The following ELL2 variants were observed in gnomAD, a reference collection of about 807,000 sequenced individuals.
ELL2 encodes the protein elongation factor for RNA polymerase II 2, also known as RNA polymerase II elongation factor ELL2.
ELL2 carries 21 observed loss-of-function variants against 72.8 expected under a neutral mutation model. The observed-to-expected ratio is 0.29, with a 90% CI of 0.20 to 0.42. The LOEUF (loss-of-function observed/expected upper bound fraction) is 0.42. ELL2 is among the 10% of genes least tolerant of loss of function. The pLI is 1.00. For missense variants in ELL2, 568 were observed against 772.8 expected (o/e 0.73, Z 3.14); for synonymous variants, 266 against 283.2 (o/e 0.94, Z 0.61).
chr5:95,904,703 T>C (rs977726313), intron 5 of ELL2, among the ~76,000 whole-genome samples: 2 of 152,232 alleles, frequency 1.3e-5, no homozygotes, highest in African/African-American at 4.8e-5. Flanking sequence ...TAACCAATTT[T>C]GGGATGATTT....
At chr5:95,937,161 C>A (rs907143908) in intron 2 of ELL2, among the ~76,000 whole-genome samples, 4 of 152,146 alleles carry the variant, frequency 2.6e-5, no homozygotes, top group South Asian at 2.1e-4. Flanking sequence ...AGGGTGAGCA[C>A]CCCTGTTTGT....
intron 4 of ELL2, among the ~76,000 whole-genome samples, chr5:95,910,035 G>A (rs1463447867): frequency 1.3e-5 from 2 of 152,104 alleles, no homozygotes; most frequent in East Asian, 1.9e-4. Context: ...TCCATTGCAA[G>A]GGAAATCTCC....
intron 4 of ELL2, among the ~76,000 whole-genome samples, chr5:95,911,400 C>A (rs1181926258): frequency 6.6e-6 from 1 of 151,458 alleles, no homozygotes; most frequent in South Asian, 2.1e-4. Context: ...TGCAGTGGCA[C>A]AATCTCGGCT....
intron 2 of ELL2, among the ~76,000 whole-genome samples, chr5:95,936,824 G>A (rs1750793550): frequency 1.3e-5 from 2 of 152,134 alleles, no homozygotes; most frequent in Non-Finnish European, 2.9e-5. Context: ...CTATTAAAGT[G>A]ATACTGCCTG....
intron 2 of ELL2, among the ~76,000 whole-genome samples, chr5:95,927,250 C>T (rs1236448834): frequency 6.6e-6 from 1 of 150,776 alleles, no homozygotes; most frequent in Admixed American, 6.6e-5. Flanking sequence ...CAGGTACAGG[C>T]AGCAGGATTC....
At chr5:95,933,894 G>C (rs995754634) in intron 2 of ELL2, among the ~76,000 whole-genome samples, 2 of 151,768 alleles carry the variant, frequency 1.3e-5, no homozygotes, top group Non-Finnish European at 2.9e-5. Flanking sequence ...TCTAAAGAAG[G>C]AACAAAACAC....
chr5:95,893,740 G>T (rs1310492760), intron 9 of ELL2, among the ~76,000 whole-genome samples: 1 of 152,136 alleles, frequency 6.6e-6, no homozygotes, highest in East Asian at 1.9e-4. Flanking sequence ...GGCAACTTAA[G>T]TTCTGTAGTT....
intron 2 of ELL2, among the ~76,000 whole-genome samples, chr5:95,921,692 G>T (rs572229424): frequency 5.9e-5 from 9 of 152,310 alleles, no homozygotes; most frequent in African/African-American, 1.9e-4. Flanking sequence ...CTGCATACTG[G>T]TATAACAGTA....
intron 9 of ELL2, among the ~76,000 whole-genome samples, chr5:95,892,437 G>A (rs1748702630): frequency 6.6e-6 from 1 of 152,204 alleles, no homozygotes; most frequent in Non-Finnish European, 1.5e-5. Context: ...GTGAGCCACT[G>A]CGCCTGGCCT....
At chr5:95,953,632 G>T (rs1332412188) in intron 1 of ELL2, among the ~76,000 whole-genome samples, 1 of 152,084 alleles carries the variant, frequency 6.6e-6, no homozygotes, top group Non-Finnish European at 1.5e-5. Context: ...GCTCATAATA[G>T]TCCATTACAA....
At chr5:95,954,765 C>A (rs960106132) in intron 1 of ELL2, among the ~76,000 whole-genome samples, 1 of 151,674 alleles carries the variant, frequency 6.6e-6, no homozygotes, top group Non-Finnish European at 1.5e-5. Context: ...TCTATAGACT[C>A]TATTCATCTC....
Position 95,888,807 on chromosome 5 carries a change from A to C in ELL2, c.*64T>G. On this transcript the variant is annotated 3_prime_UTR_variant, in exon 12 of 12. Coordinates refer to ENST00000237853, the MANE Select transcript of ELL2 (RefSeq NM_012081.6). ...TTTCACCTTTTTAGAATCTAGAGCA[A>C]CTCATTTGGAATTTTAAATAAATAA... is the stretch of plus-strand genomic sequence containing the variant. 2 of 1,175,104 alleles carry C rather than the reference A, an allele frequency of 1.7e-6. No individual in the cohort carries two copies. 72.8% of individuals were successfully genotyped at this position (1,175,104 alleles called of 1,614,324 possible). A position where few individuals can be genotyped will look rare whatever the true frequency, so the allele number is the denominator to read the frequency against.
intron 1 of ELL2, among the ~76,000 whole-genome samples, chr5:95,949,700 CA>C (rs56376316): frequency 0.041 from 5,361 of 132,056 alleles, 227 homozygotes; most frequent in African/African-American, 0.11. Context: ...AAAGATACTG[CA>C]AAAAAAAAAA....
rs944535306 is a variant in ELL2, at chr5:95,906,857, A to G, written c.482-75T>C. 70 of 1,385,554 alleles carry G rather than the reference A, an allele frequency of 5.1e-5. No individual in the cohort carries two copies. In the African/African-American group the frequency reaches 9.4e-4, roughly 19 times the overall value. 85.8% of individuals were successfully genotyped at this position (1,385,554 alleles called of 1,614,324 possible). On this transcript the variant is annotated intron_variant, in intron 4 of 11. Transcript: ENST00000237853. ...GAGCACCTCAGTTTCCACAATTCTGATTTAGGTACCTCTTCATTTCTAGAG... is the reference window on the plus strand; with the variant it reads ...GAGCACCTCAGTTTCCACAATTCTGGTTTAGGTACCTCTTCATTTCTAGAG...
chr5:95,947,984 T>C (rs533793425), intron 1 of ELL2, among the ~76,000 whole-genome samples: 3 of 152,308 alleles, frequency 2.0e-5, no homozygotes, highest in South Asian at 2.1e-4. Flanking sequence ...TATGTACTTA[T>C]CCAAACAGGG....
intron 2 of ELL2, among the ~76,000 whole-genome samples, chr5:95,925,747 C>A (rs1750258296): frequency 6.6e-6 from 1 of 152,170 alleles, no homozygotes; most frequent in Non-Finnish European, 1.5e-5. Flanking sequence ...AACAAAATAA[C>A]TTTCTTTGCT....
chr5:95,945,463 G>C (rs546323816), intron 1 of ELL2, among the ~76,000 whole-genome samples: 7 of 152,246 alleles, frequency 4.6e-5, no homozygotes, highest in African/African-American at 1.4e-4. Context: ...TCCCTATTTT[G>C]CCATGCTGCT....
Position 95,938,271 on chromosome 5 carries a change from C to T in ELL2, c.195+4731G>A, listed in dbSNP as rs553162690. On this transcript the variant is annotated intron_variant, in intron 2 of 11. Coordinates refer to ENST00000237853, the MANE Select transcript of ELL2 (RefSeq NM_012081.6). ...ATTTCATCTTCGGAAGGTCATTGTG[C>T]CTTTTTAGAAGGCATACATTTAGAA... 2.0e-5 allele frequency among the ~76,000 whole-genome samples: 3 copies of T among 152,220 alleles called. No individual in the cohort carries two copies. The East Asian group carries it at 5.8e-4, about 29-fold the overall frequency.
chr5:95,949,778 G>A (rs903967611), intron 1 of ELL2, among the ~76,000 whole-genome samples: 7 of 151,920 alleles, frequency 4.6e-5, no homozygotes, highest in Non-Finnish European at 1.0e-4. Flanking sequence ...TATAAGTGGT[G>A]ATGGTTCAAG....
Sources: allele counts gnomAD v4.1 joint callset (sites outside exome capture counted in the v4.1 genomes callset), GRCh38; gene constraint gnomAD v4.1.1; transcripts MANE v1.5; gene names NCBI Gene and HGNC (gene_info 2026-07-23, HGNC 2026-07-21).